ANO3: variants seen among roughly 807,000 people sequenced by gnomAD.
The protein encoded by ANO3 is anoctamin-3.
In ANO3, 99 loss-of-function variants were observed where a neutral mutation model predicts 144.8. The observed-to-expected ratio is 0.68, with a 90% CI of 0.58 to 0.81. The LOEUF is 0.81. Ranked by LOEUF, ANO3 falls within the 30% of genes least tolerant of loss-of-function variation. The probability of loss-of-function intolerance (pLI) is 0.00; values close to 1 mark genes in which losing one functional copy is unlikely to be tolerated. For missense variants in ANO3, 905 were observed against 1,202.2 expected, an observed-to-expected ratio of 0.75 and a Z score of 3.66; for synonymous variants, 414 against 392.6, an observed-to-expected ratio of 1.05 and a Z score of -0.64.
At chr11:26,509,762 A>C (rs117559756) in intron 5 of ANO3, among the ~76,000 whole-genome samples, 1 of 151,944 alleles carries the variant, frequency 6.6e-6, no homozygotes, top group Non-Finnish European at 1.5e-5. Context: ...GAATCCCTTT[A>C]CCCCCACAGA....
At chr11:26,346,530 C>T (rs959547183) in intron 1 of ANO3, among the ~76,000 whole-genome samples, 1 of 152,090 alleles carries the variant, frequency 6.6e-6, no homozygotes, top group African/African-American at 2.4e-5. Flanking sequence ...ATGTAATATA[C>T]CTTTTAAATC....
intron 1 of ANO3, among the ~76,000 whole-genome samples, chr11:26,436,267 T>C (rs1345883409): frequency 6.6e-6 from 1 of 152,168 alleles, no homozygotes; most frequent in East Asian, 1.9e-4. Flanking sequence ...AGAGCAAAGA[T>C]GGTAACCTGC....
intron 17 of ANO3, among the ~76,000 whole-genome samples, chr11:26,623,328 G>A (rs1418141453): frequency 1.3e-5 from 2 of 152,184 alleles, no homozygotes; most frequent in African/African-American, 2.4e-5. Flanking sequence ...TGCCAACAGG[G>A]AAGGTTATTG....
chr11:26,482,799 A>T (rs939627409), intron 4 of ANO3, among the ~76,000 whole-genome samples: 1 of 151,956 alleles, frequency 6.6e-6, no homozygotes, highest in African/African-American at 2.4e-5. Context: ...CACACTGTAT[A>T]CTCATGTGTA....
chr11:26,201,893 G>T (rs1851701011), intron 1 of ANO3, among the ~76,000 whole-genome samples: 1 of 151,186 alleles, frequency 6.6e-6, no homozygotes, highest in Non-Finnish European at 1.5e-5. Context: ...TGCCAGTTCT[G>T]AACATATAGC....
At chr11:26,391,076 TA>T (rs1856865344) in intron 1 of ANO3, among the ~76,000 whole-genome samples, 1 of 152,182 alleles carries the variant, frequency 6.6e-6, no homozygotes, top group Non-Finnish European at 1.5e-5. Flanking sequence ...TTTCTCTTTC[TA>T]AAACTGAATA....
chr11:26,225,651 CAT>C (rs1438318277), intron 1 of ANO3, among the ~76,000 whole-genome samples: 7 of 151,944 alleles, frequency 4.6e-5, no homozygotes, highest in South Asian at 2.1e-4. Flanking sequence ...TTTTTGGTAA[CAT>C]ATAATTTTTA....
At chr11:26,494,671 C>A (rs1860853794) in intron 4 of ANO3, among the ~76,000 whole-genome samples, 2 of 152,208 alleles carry the variant, frequency 1.3e-5, no homozygotes, top group African/African-American at 4.8e-5. Flanking sequence ...AATTCAACTT[C>A]TTTCTGCCTA....
rs1395141430 is a variant in ANO3 at position 26,599,088 on chromosome 11, A to G, written c.1671+90A>G. The G allele has an allele frequency of 2.2e-6, 3 of 1,366,130 alleles. No homozygotes were observed. In the African/African-American group the frequency reaches 4.3e-5, roughly 20 times the overall value. 84.6% of individuals were successfully genotyped at this position (1,366,130 alleles called of 1,614,324 possible). A position where few individuals can be genotyped will look rare whatever the true frequency, so the allele number is the denominator to read the frequency against. Reference sequence around the variant, plus strand: ...ACCAACTCATTTTGTGACGTTGAGAATGTCAGAAACCTTATTCTTTCCAAC... The same window carrying G: ...ACCAACTCATTTTGTGACGTTGAGAGTGTCAGAAACCTTATTCTTTCCAAC... On this transcript the variant is annotated intron_variant, in intron 16 of 26. Transcript: ENST00000256737.
intron 1 of ANO3, among the ~76,000 whole-genome samples, chr11:26,345,090 T>C (rs1353187660): frequency 6.6e-6 from 1 of 152,214 alleles, no homozygotes; most frequent in Non-Finnish European, 1.5e-5. Context: ...GTATGGAAAT[T>C]ACCATATTGT....
At chr11:26,215,156 G>C (rs756635441) in intron 1 of ANO3, among the ~76,000 whole-genome samples, 1 of 151,840 alleles carries the variant, frequency 6.6e-6, no homozygotes, top group African/African-American at 2.4e-5. Flanking sequence ...TTACCATACT[G>C]TACTCTTTAG....
intron 19 of ANO3, 41 bp from the exon 20 acceptor site, chr11:26,634,972 A>C (rs1244278269): frequency 6.5e-7 from 1 of 1,532,988 alleles, no homozygotes; most frequent in East Asian, 2.3e-5. Flanking sequence ...TCTTCAGTGA[A>C]CCCCACTTAA....
At chr11:26,313,296 G>T (rs1854543626) in intron 1 of ANO3, among the ~76,000 whole-genome samples, 1 of 152,140 alleles carries the variant, frequency 6.6e-6, no homozygotes, top group Non-Finnish European at 1.5e-5. Context: ...ACATGAAAAG[G>T]CTCTGAAAAG....
intron 11 of ANO3, among the ~76,000 whole-genome samples, chr11:26,543,507 G>A (rs1360857766): frequency 3.9e-5 from 6 of 151,924 alleles, no homozygotes; most frequent in African/African-American, 7.3e-5. Flanking sequence ...TGTGCACAAC[G>A]TGCAGGTTTG....
At chr11:26,595,901 T>C (rs571254571) in intron 14 of ANO3, among the ~76,000 whole-genome samples, 49 of 152,344 alleles carry the variant, frequency 3.2e-4, no homozygotes, top group African/African-American at 1.2e-3. Flanking sequence ...AGGTTATTTT[T>C]CTACTTTCTT....
At chr11:26,589,498 GC>G (rs1554974429) in intron 14 of ANO3, among the ~76,000 whole-genome samples, 10 of 149,048 alleles carry the variant, frequency 6.7e-5, no homozygotes, top group South Asian at 6.3e-4. Flanking sequence ...TGGGTTTTTT[GC>G]ATATTCACAG....
At chr11:26,489,262 C>G (rs1319051431) in intron 4 of ANO3, among the ~76,000 whole-genome samples, 1 of 152,136 alleles carries the variant, frequency 6.6e-6, no homozygotes, top group East Asian at 1.9e-4. Flanking sequence ...GTGGAAGCCT[C>G]AAGCCTTGGC....
intron 1 of ANO3, among the ~76,000 whole-genome samples, chr11:26,213,953 T>C (rs183555479): frequency 6.6e-6 from 1 of 152,170 alleles, no homozygotes; most frequent in East Asian, 1.9e-4. Flanking sequence ...GTGCTTATAT[T>C]TAAGTATTTA....
intron 17 of ANO3, among the ~76,000 whole-genome samples, chr11:26,621,802 G>A (rs1852423985): frequency 6.6e-6 from 1 of 152,086 alleles, no homozygotes. Context: ...GAGAATTTCA[G>A]CTTACTAAAT....
Sources: gnomAD v4.1 joint callset for allele counts (sites outside exome capture counted in the v4.1 genomes callset) on GRCh38, gnomAD v4.1.1 for gene constraint, MANE v1.5 for transcripts, NCBI Gene and HGNC (gene_info 2026-07-23, HGNC 2026-07-21) for gene names.